Variants in DCX observed in about 807,000 individuals in gnomAD.
DCX encodes doublecortin, also known as neuronal migration protein doublecortin.
A neutral mutation model predicts 20.9 loss-of-function variants in DCX; 4 were observed. That is an observed-to-expected ratio of 0.19 (90% CI 0.09 to 0.44). DCX has a LOEUF of 0.44. Among genes scored for constraint, DCX ranks in the 20% least tolerant of loss-of-function variants. DCX has a pLI of 0.99. For missense variants in DCX, 133 were observed against 296.9 expected (o/e 0.45, Z 4.06); for synonymous variants, 103 against 111.4 (o/e 0.92, Z 0.47).
At chrX:111,381,838 A>T (rs1458203944) in intron 3 of DCX, among the ~76,000 whole-genome samples, 1 of 111,881 alleles carries the variant, frequency 8.9e-6, no homozygotes, top group African/African-American at 3.2e-5. Context: ...TATTAAAGAT[A>T]TAGGTTCTTA....
At chrX:111,366,698 G>A (rs1470243532) in intron 3 of DCX, among the ~76,000 whole-genome samples, 2 of 111,800 alleles carry the variant, frequency 1.8e-5, no homozygotes, top group Non-Finnish European at 3.8e-5. Flanking sequence ...GTCAATGCCA[G>A]GTGTCAGGCC....
chrX:111,404,174 GC>G (rs1432535276), intron 2 of DCX, among the ~76,000 whole-genome samples: 3 of 111,145 alleles, frequency 2.7e-5, no homozygotes, highest in Non-Finnish European at 5.7e-5. Flanking sequence ...CGGAATAGAA[GC>G]GAGAACAAGA....
At chrX:111,405,451 T>C (rs1050695155) in intron 2 of DCX, among the ~76,000 whole-genome samples, 8 of 111,676 alleles carry the variant, frequency 7.2e-5, no homozygotes, top group Non-Finnish European at 1.5e-4. Context: ...TGAGCTATGG[T>C]AAAAGAACTG....
At chrX:111,319,068 C>T (rs1311559776) in intron 5 of DCX, among the ~76,000 whole-genome samples, 2 of 112,246 alleles carry the variant, frequency 1.8e-5, no homozygotes, top group Non-Finnish European at 3.8e-5. Context: ...CAGAGAGTTT[C>T]AGGAGATGAG....
intron 2 of DCX, among the ~76,000 whole-genome samples, chrX:111,408,910 T>A (rs1467845120): frequency 9.0e-6 from 1 of 111,569 alleles, no homozygotes; most frequent in Non-Finnish European, 1.9e-5. Flanking sequence ...TTTTCCCACA[T>A]CAAATTCTTT....
chrX:111,406,412 A>T (rs1928214186), intron 2 of DCX, among the ~76,000 whole-genome samples: 1 of 112,060 alleles, frequency 8.9e-6, no homozygotes, highest in African/African-American at 3.2e-5. Context: ...TTTTCACATC[A>T]TTAATAATAA....
rs151262077 is a variant in DCX at position 111,399,477 on chromosome X, A to G, written c.705+1513T>C. On this transcript the variant is annotated intron_variant, in intron 3 of 6. Transcript: ENST00000636035. The stretch of plus-strand genomic sequence containing the variant: ...CAGAAGGCTGAAGGCACAGGGAATC[A>G]GATTTATGCCTAATATAAAGAAACT... Among the ~76,000 whole-genome samples, 272 of 112,338 alleles carry G rather than the reference A, an allele frequency of 2.4e-3. 2 individuals are homozygous for G. Among genetic ancestry groups the G allele is most frequent in the African/African-American group, 8.3e-3 (258 of 30,969 alleles).
At chrX:111,325,798 T>C (rs1247651631) in intron 5 of DCX, among the ~76,000 whole-genome samples, 1 of 112,404 alleles carries the variant, frequency 8.9e-6, no homozygotes, top group Admixed American at 9.5e-5. Flanking sequence ...TTATATGAAA[T>C]ATGTCAAAAT....
At chrX:111,371,575 AATAAG>A (rs1406608457) in intron 3 of DCX, among the ~76,000 whole-genome samples, 4 of 111,879 alleles carry the variant, frequency 3.6e-5, no homozygotes, top group African/African-American at 1.3e-4. Context: ...GGGAGATTTA[AATAAG>A]ATAATATAAG....
chrX:111,362,735 T>C (rs529219225), intron 3 of DCX, among the ~76,000 whole-genome samples: 1 of 111,305 alleles, frequency 9.0e-6, no homozygotes, highest in African/African-American at 3.3e-5. Context: ...CCTGTGAAAG[T>C]AGAGAGATGA....
rs1275166512 is a variant in DCX at position 111,299,306 on chromosome X, G to C, written c.*2381C>G. The C allele has an allele frequency of 9.0e-6, 1 of 111,478 alleles. No homozygotes were observed. Among genetic ancestry groups the C allele is most frequent in the Non-Finnish European group, 1.9e-5 (1 of 53,142 alleles). 9.2% of individuals were successfully genotyped at this position (111,478 alleles called of 1,213,427 possible). On this transcript the variant is annotated 3_prime_UTR_variant, in exon 7 of 7. Transcript: ENST00000636035. The stretch of plus-strand genomic sequence containing the variant: ...TGGAAGATGTACTATTGTTATTGAA[G>C]ATTGTTGGTTCAAAGGTTATCCTAA...
chrX:111,383,310 A>G (rs753047945), intron 3 of DCX, among the ~76,000 whole-genome samples: 2 of 112,102 alleles, frequency 1.8e-5, no homozygotes, highest in Non-Finnish European at 3.8e-5. Flanking sequence ...CTTCTTGGTG[A>G]AAAATATAAA....
intron 2 of DCX, among the ~76,000 whole-genome samples, chrX:111,401,761 T>A (rs1927813168): frequency 9.2e-6 from 1 of 108,883 alleles, no homozygotes; most frequent in Admixed American, 9.6e-5. Flanking sequence ...GTCCCATCCC[T>A]TTGTGATATT....
At chrX:111,341,878 C>T (rs914416917) in intron 3 of DCX, among the ~76,000 whole-genome samples, 12 of 110,531 alleles carry the variant, frequency 1.1e-4, no homozygotes, top group African/African-American at 3.9e-4. Context: ...GAAAGAAGCA[C>T]TAAATATGGA....
intron 3 of DCX, among the ~76,000 whole-genome samples, chrX:111,343,354 C>A (rs1242807609): frequency 1.8e-5 from 2 of 108,705 alleles, no homozygotes; most frequent in African/African-American, 3.4e-5. Flanking sequence ...TACATACACC[C>A]TCCCAAGACT....
chrX:111,351,464 T>C (rs772824579), intron 3 of DCX, among the ~76,000 whole-genome samples: 1 of 112,585 alleles, frequency 8.9e-6, no homozygotes, highest in Non-Finnish European at 1.9e-5. Context: ...TATTTACACA[T>C]GTGTTCCAGT....
intron 6 of DCX, among the ~76,000 whole-genome samples, chrX:111,308,798 A>G (rs777364654): frequency 4.5e-5 from 5 of 111,889 alleles, no homozygotes; most frequent in East Asian, 2.8e-4. Context: ...ATTTCAAGCC[A>G]TTGGTGCAAT....
chrX:111,396,096 C>T (rs1927294577), intron 3 of DCX, among the ~76,000 whole-genome samples: 1 of 112,355 alleles, frequency 8.9e-6, no homozygotes, highest in African/African-American at 3.2e-5. Flanking sequence ...GTGGAAAGGG[C>T]AAGTCTTTCC....
intron 3 of DCX, among the ~76,000 whole-genome samples, chrX:111,396,430 G>A (rs999430420): frequency 2.7e-5 from 3 of 112,038 alleles, no homozygotes; most frequent in African/African-American, 9.7e-5. Context: ...TTCTGGGTGT[G>A]GACAAAACTG....
Sources: allele counts gnomAD v4.1 joint callset (sites outside exome capture counted in the v4.1 genomes callset), GRCh38; gene constraint gnomAD v4.1.1; transcripts MANE v1.5; gene names NCBI Gene and HGNC (gene_info 2026-07-23, HGNC 2026-07-21).